The following NANOS3 variants were observed in gnomAD, a reference collection of about 807,000 sequenced individuals.
NANOS3 encodes nanos C2HC-type zinc finger 3.
In NANOS3, 11 loss-of-function variants were observed where a neutral mutation model predicts 13.8. The ratio of observed to expected loss-of-function variants is 0.80; its 90% CI spans 0.50 to 1.32. NANOS3 has a LOEUF of 1.32. NANOS3 is among the 40% of genes most tolerant of loss of function. NANOS3 has a pLI of 0.00. For missense variants in NANOS3, 221 were observed against 263.8 expected (o/e 0.84, Z 1.12); for synonymous variants, 119 against 115.4 (o/e 1.03, Z -0.20).
intron 1 of NANOS3, among the ~76,000 whole-genome samples, chr19:13,870,542 G>A (rs1013165678): frequency 2.7e-5 from 4 of 150,132 alleles, no homozygotes; most frequent in Non-Finnish European, 5.9e-5. Context: ...GTGGGGGCAA[G>A]GCCCTGGGAT....
chr19:13,866,245 A>C (rs1328116140), intron 1 of NANOS3, among the ~76,000 whole-genome samples: 1 of 151,814 alleles, frequency 6.6e-6, no homozygotes, highest in Non-Finnish European at 1.5e-5. Context: ...TTTCACGGCG[A>C]CCTGCCCTGG....
At chr19:13,874,361 C>T (rs1968465696), upstream of NANOS3, among the ~76,000 whole-genome samples, 1 of 152,218 alleles carries the variant, frequency 6.6e-6, no homozygotes, top group African/African-American at 2.4e-5. Flanking sequence ...CTTGGAATGC[C>T]TCCTCCACCT....
chr19:13,869,770 G>A lies in NANOS3; in HGVS notation n.21+4333G>A, dbSNP rs201096126. Among the ~76,000 whole-genome samples, 13 of 147,318 alleles carry A rather than the reference G, an allele frequency of 8.8e-5. No homozygotes were observed. In the South Asian group the frequency reaches 1.1e-3, roughly 12 times the overall value. On this transcript the variant is annotated intron_variant and non_coding_transcript_variant, in intron 1 of 2. Transcript: ENST00000591161. ...GGCCCAAGTACACACACACACACAC[G>A]CACGCACACACACACACACACGCAC...
intron 1 of NANOS3, among the ~76,000 whole-genome samples, chr19:13,870,584 T>TTG: frequency 7.0e-6 from 1 of 142,704 alleles, no homozygotes; most frequent in Non-Finnish European, 1.5e-5. Flanking sequence ...TTTTTTTTTT[T>TTG]TGAGACGGAG....
At chr19:13,869,790 ACG>A (rs1450886921) in intron 1 of NANOS3, among the ~76,000 whole-genome samples, 1 of 151,116 alleles carries the variant, frequency 6.6e-6, no homozygotes, top group Non-Finnish European at 1.5e-5. Context: ...ACACACACAC[ACG>A]CACACACATA....
upstream of NANOS3, chr19:13,874,856 C>A (rs763233440): frequency 1.9e-6 from 1 of 525,942 alleles, no homozygotes; most frequent in Non-Finnish European, 4.0e-6. Context: ...CTGGGGAGCC[C>A]CCAATCCAGC....
intron 1 of NANOS3, among the ~76,000 whole-genome samples, chr19:13,868,147 C>T (rs941621740): frequency 2.0e-5 from 3 of 151,910 alleles, no homozygotes; most frequent in Non-Finnish European, 4.4e-5. Flanking sequence ...CAATCTCCAA[C>T]TCCCAGGTTC....
Position 13,877,409 on chromosome 19 carries a change from C to T in NANOS3, c.161C>T (p.Ser54Leu), listed in dbSNP as rs1312907638. The T allele has an allele frequency of 6.8e-6, 11 of 1,612,278 alleles. No individual in the cohort carries two copies. The highest frequency in any genetic ancestry group is 8.5e-6 in the Non-Finnish European group (10 of 1,179,996). ...CTGGAGCCGATGCCAGCGCCGGAGT[C>T]GGTGCCAGTGCCGGGACCCAAGGAT... ...SALEPMPAPE[S>L]VPVPGPKDQK... The change falls in exon 1 of 2, where the codon TCG becomes TTG. Residue 54 changes from serine to leucine, a missense_variant. Coordinates refer to ENST00000339133, the MANE Select transcript of NANOS3 (RefSeq NM_001098622.3).
intron 1 of NANOS3, among the ~76,000 whole-genome samples, chr19:13,878,936 T>C (rs1437665794): frequency 7.1e-6 from 1 of 141,402 alleles, no homozygotes; most frequent in Non-Finnish European, 1.5e-5. Flanking sequence ...TCTTTCTTTC[T>C]TTCTTTTATT....
chr19:13,869,212 C>T (rs1162316486), intron 1 of NANOS3, among the ~76,000 whole-genome samples: 1 of 152,168 alleles, frequency 6.6e-6, no homozygotes, highest in African/African-American at 2.4e-5. Flanking sequence ...TGAGGTCTCA[C>T]TGCGTTGCCC....
intron 1 of NANOS3, among the ~76,000 whole-genome samples, chr19:13,878,567 CT>C (rs1160604256): frequency 6.6e-6 from 1 of 151,070 alleles, no homozygotes; most frequent in Non-Finnish European, 1.5e-5. Flanking sequence ...AGAAAGAAGA[CT>C]TTTATTTTAT....
intron 1 of NANOS3, among the ~76,000 whole-genome samples, chr19:13,869,833 G>A (rs1976299531): frequency 6.6e-6 from 1 of 151,690 alleles, no homozygotes; most frequent in South Asian, 2.1e-4. Context: ...ACACACAGGA[G>A]CATATATATA....
chr19:13,866,601 G>T (rs1976245611), intron 1 of NANOS3, among the ~76,000 whole-genome samples: 1 of 152,220 alleles, frequency 6.6e-6, no homozygotes, highest in South Asian at 2.1e-4. Flanking sequence ...AGTGCCCATT[G>T]AAAGGCTGTC....
chr19:13,869,136 A>C (rs1353780759), intron 1 of NANOS3, among the ~76,000 whole-genome samples: 2 of 152,054 alleles, frequency 1.3e-5, no homozygotes, highest in Non-Finnish European at 1.5e-5. Flanking sequence ...CCAGCACCAT[A>C]AGCCTCAGTA....
chr19:13,874,026 C>T (rs1383641843), upstream of NANOS3, among the ~76,000 whole-genome samples: 1 of 152,104 alleles, frequency 6.6e-6, no homozygotes, highest in Non-Finnish European at 1.5e-5. Flanking sequence ...AAGGGGCAGC[C>T]CCCACGTGGC....
chr19:13,865,758 C>T (rs1344173910), intron 1 of NANOS3, among the ~76,000 whole-genome samples: 2 of 140,478 alleles, frequency 1.4e-5, no homozygotes, highest in Non-Finnish European at 3.1e-5. Context: ...GAGATGCCCT[C>T]GCGGGGCGGG....
At chr19:13,868,042 T>A (rs77701575) in intron 1 of NANOS3, among the ~76,000 whole-genome samples, 9 of 147,796 alleles carry the variant, frequency 6.1e-5, no homozygotes, top group East Asian at 4.0e-4. Flanking sequence ...CCAATAATAT[T>A]TTTTTTTTTT....
chr19:13,879,897 G>A (rs1340472003), intron 1 of NANOS3, among the ~76,000 whole-genome samples: 2 of 152,160 alleles, frequency 1.3e-5, no homozygotes, highest in African/African-American at 4.8e-5. Context: ...ATGGTGGCAT[G>A]CGCCTGTAAT....
chr19:13,878,284 G>A (rs927233305), intron 1 of NANOS3, among the ~76,000 whole-genome samples: 1 of 152,000 alleles, frequency 6.6e-6, no homozygotes, highest in Non-Finnish European at 1.5e-5. Context: ...TGTCACCCAG[G>A]CTGGAGTGCA....
Sources: gnomAD v4.1 joint callset for allele counts (sites outside exome capture counted in the v4.1 genomes callset) on GRCh38, gnomAD v4.1.1 for gene constraint, MANE v1.5 for transcripts, NCBI Gene and HGNC (gene_info 2026-07-23, HGNC 2026-07-21) for gene names.